The following HEMK2 variants were observed in gnomAD, a reference collection of about 807,000 sequenced individuals.
The protein encoded by HEMK2 is HemK methyltransferase 2, ETF1 glutamine and histone H4 lysine.
chr21:28,715,725 T>C, the HEMK2 span, among the ~76,000 whole-genome samples: 9 of 152,218 alleles, frequency 5.9e-5, no homozygotes, highest in Non-Finnish European at 1.2e-4. Flanking sequence ...AAGGCTTATG[T>C]CCACAAGAGT....
the HEMK2 span, among the ~76,000 whole-genome samples, chr21:28,877,988 C>T: frequency 2.6e-5 from 4 of 152,054 alleles, no homozygotes; most frequent in Non-Finnish European, 5.9e-5. Context: ...GAAGATAATA[C>T]TTTTTAAAAT....
At chr21:28,815,985 G>T in the HEMK2 span, among the ~76,000 whole-genome samples, 2 of 152,104 alleles carry the variant, frequency 1.3e-5, no homozygotes, top group Non-Finnish European at 2.9e-5. Context: ...TGTTAGTGTG[G>T]GCTGTAACAC....
At chr21:28,741,981 C>T in the HEMK2 span, among the ~76,000 whole-genome samples, 1 of 152,152 alleles carries the variant, frequency 6.6e-6, no homozygotes, top group Admixed American at 6.5e-5. Flanking sequence ...GGAATCACCA[C>T]AAGAGAGAGC....
the HEMK2 span, among the ~76,000 whole-genome samples, chr21:28,782,106 C>A: frequency 6.6e-6 from 1 of 152,224 alleles, no homozygotes; most frequent in African/African-American, 2.4e-5. Flanking sequence ...GAATCACATT[C>A]TAGCCATTCT....
At chr21:28,864,289 T>C in the HEMK2 span, among the ~76,000 whole-genome samples, 1 of 152,204 alleles carries the variant, frequency 6.6e-6, no homozygotes, top group Non-Finnish European at 1.5e-5. Flanking sequence ...GAGAGAGCTA[T>C]AAAACCAAAG....
chr21:28,851,309 T>C, the HEMK2 span, among the ~76,000 whole-genome samples: 22 of 152,212 alleles, frequency 1.4e-4, no homozygotes, highest in Admixed American at 6.5e-5. Flanking sequence ...TGATGGGTCA[T>C]ATGGCCCAAG....
the HEMK2 span, among the ~76,000 whole-genome samples, chr21:28,660,716 C>T: frequency 2.6e-5 from 4 of 151,834 alleles, no homozygotes; most frequent in East Asian, 7.7e-4. Flanking sequence ...ATTTTTCTTC[C>T]TTTGTCTGGT....
At chr21:28,710,613 A>T in the HEMK2 span, among the ~76,000 whole-genome samples, 1 of 152,302 alleles carries the variant, frequency 6.6e-6, no homozygotes, top group South Asian at 2.1e-4. Flanking sequence ...CAAATCCAGA[A>T]ATCACATCAC....
the HEMK2 span, among the ~76,000 whole-genome samples, chr21:28,806,766 T>C: frequency 6.6e-6 from 1 of 152,198 alleles, no homozygotes; most frequent in Non-Finnish European, 1.5e-5. Flanking sequence ...ATTCAAATTA[T>C]GCTGCCACGC....
At chr21:28,858,208 A>T in the HEMK2 span, among the ~76,000 whole-genome samples, 5 of 152,136 alleles carry the variant, frequency 3.3e-5, no homozygotes, top group African/African-American at 1.2e-4. Context: ...ATTTGTTTGT[A>T]CCCTAGTCTA....
At chr21:28,728,823 C>A in the HEMK2 span, among the ~76,000 whole-genome samples, 1 of 152,206 alleles carries the variant, frequency 6.6e-6, no homozygotes, top group African/African-American at 2.4e-5. Context: ...AGGGAAGAAA[C>A]TGAAGACAGT....
the HEMK2 span, among the ~76,000 whole-genome samples, chr21:28,615,918 C>A: frequency 6.6e-6 from 1 of 152,102 alleles, no homozygotes; most frequent in African/African-American, 2.4e-5. Flanking sequence ...AGATAGCCCA[C>A]TGAGGTATGA....
the HEMK2 span, among the ~76,000 whole-genome samples, chr21:28,636,258 G>C: frequency 3.3e-5 from 5 of 152,000 alleles, no homozygotes; most frequent in Non-Finnish European, 7.4e-5. Context: ...GTACTTGCTT[G>C]ATGCCAGACA....
chr21:28,864,523 C>T, the HEMK2 span, among the ~76,000 whole-genome samples: 58 of 152,260 alleles, frequency 3.8e-4, 1 homozygote, highest in South Asian at 0.011. Context: ...TGACTTCAAA[C>T]GCTCCTCATA....
the HEMK2 span, among the ~76,000 whole-genome samples, chr21:28,882,503 A>T: frequency 6.6e-6 from 1 of 152,324 alleles, no homozygotes; most frequent in South Asian, 2.1e-4. Context: ...GAATTTATGA[A>T]TTATACATCC....
chr21:28,710,421 T>A, the HEMK2 span, among the ~76,000 whole-genome samples: 4 of 152,358 alleles, frequency 2.6e-5, no homozygotes, highest in African/African-American at 9.6e-5. Flanking sequence ...TTTTTTACTT[T>A]AAAATGCTAT....
the HEMK2 span, among the ~76,000 whole-genome samples, chr21:28,857,049 T>C: frequency 6.6e-6 from 1 of 152,200 alleles, no homozygotes; most frequent in Non-Finnish European, 1.5e-5. Context: ...CTTGGAATTC[T>C]AGCCAGCCAG....
chr21:28,766,373 C>T, the HEMK2 span, among the ~76,000 whole-genome samples: 37 of 151,718 alleles, frequency 2.4e-4, no homozygotes, highest in African/African-American at 7.7e-4. Context: ...GGCATGGATA[C>T]GGTGAAAAGG....
chr21:28,577,285 ACTT>A, the HEMK2 span: 2 of 151,936 alleles, frequency 1.3e-5, no homozygotes, highest in East Asian at 1.9e-4. Context: ...TCCACAACAT[ACTT>A]CTTCTTTCCT....
Sources: gnomAD v4.1 joint callset for allele counts (sites outside exome capture counted in the v4.1 genomes callset) on GRCh38, gnomAD v4.1.1 for gene constraint, MANE v1.5 for transcripts, NCBI Gene and HGNC (gene_info 2026-07-23, HGNC 2026-07-21) for gene names.